Variants in PARD3B observed in about 807,000 individuals in gnomAD.
The protein encoded by PARD3B is partitioning defective 3 homolog B.
Under a neutral mutation model 130.2 loss-of-function variants are expected in PARD3B, and 103 were observed. The observed-to-expected ratio is 0.79, with a 90% CI of 0.67 to 0.93. The LOEUF (loss-of-function observed/expected upper bound fraction) is 0.93. Ranked by LOEUF, PARD3B falls within the 40% of genes least tolerant of loss-of-function variation. The pLI, the probability that PARD3B is intolerant of heterozygous loss-of-function variation, is 0.00. For missense variants in PARD3B, 1,609 were observed against 1,499.2 expected, an observed-to-expected ratio of 1.07 and a Z score of -1.21; for synonymous variants, 583 against 553.2, an observed-to-expected ratio of 1.05 and a Z score of -0.76.
At chr2:205,219,933 G>A (rs556690927) in intron 15 of PARD3B, among the ~76,000 whole-genome samples, 29 of 152,270 alleles carry the variant, frequency 1.9e-4, no homozygotes, top group South Asian at 1.2e-3. Context: ...TACTTGTCAC[G>A]TTTGTAGGAG....
chr2:205,357,892 C>G (rs1267225947), intron 18 of PARD3B, among the ~76,000 whole-genome samples: 1 of 152,178 alleles, frequency 6.6e-6, no homozygotes, highest in East Asian at 1.9e-4. Flanking sequence ...TGAAAAAGCA[C>G]ACAGTCATTG....
At chr2:204,548,859 C>T (rs566480092) in intron 1 of PARD3B, among the ~76,000 whole-genome samples, 7 of 152,008 alleles carry the variant, frequency 4.6e-5, no homozygotes, top group Non-Finnish European at 1.0e-4. Flanking sequence ...ATCCAGGTGG[C>T]GAGTGCTATA....
At chr2:205,524,590 C>G (rs1047175104) in intron 21 of PARD3B, among the ~76,000 whole-genome samples, 15 of 152,260 alleles carry the variant, frequency 9.9e-5, no homozygotes, top group African/African-American at 3.1e-4. Context: ...CATACTATTG[C>G]CCATCTAATT....
chr2:205,227,430 G>A (rs11903634), intron 15 of PARD3B, among the ~76,000 whole-genome samples: 29,651 of 151,928 alleles, frequency 0.2, 3,101 homozygotes, highest in East Asian at 0.31. Flanking sequence ...TCATTATATA[G>A]TGACCTTCTT....
At chr2:205,252,853 C>CCCAA (rs2039916027) in intron 16 of PARD3B, among the ~76,000 whole-genome samples, 2 of 80,458 alleles carry the variant, frequency 2.5e-5, no homozygotes, top group South Asian at 5.2e-4. Context: ...CCCCCCCCAC[C>CCCAA]AAAAAAAAAA....
chr2:205,235,018 G>A (rs116722929), intron 15 of PARD3B, among the ~76,000 whole-genome samples: 2 of 152,142 alleles, frequency 1.3e-5, no homozygotes, highest in African/African-American at 2.4e-5. Flanking sequence ...CTATAAAAAT[G>A]TGTGGGATAA....
intron 3 of PARD3B, among the ~76,000 whole-genome samples, chr2:204,990,824 T>C (rs1351384881): frequency 6.6e-6 from 1 of 152,222 alleles, no homozygotes; most frequent in Non-Finnish European, 1.5e-5. Context: ...TTCTACTTTA[T>C]ATAAAAGTTT....
At position 205,407,432 on chromosome 2, in the gene PARD3B, A is replaced by G. The variant is rs1007937344; in HGVS notation, c.2741+6309A>G. 1.3e-5 allele frequency among the ~76,000 whole-genome samples: 2 copies of G among 152,210 alleles called. No homozygotes were observed. Among genetic ancestry groups the G allele is most frequent in the African/African-American group, 4.8e-5 (2 of 41,446 alleles). On this transcript the variant is annotated intron_variant, in intron 19 of 22. Transcript: ENST00000406610. The surrounding 1 kb of genome is among the most constrained non-coding windows in gnomAD (Gnocchi z 4.1). Reference sequence around the variant, plus strand: ...TCCAACATTTTTCAAACTAAATTAAATTAGCATTTTTCACACATTCAGATT... The same window carrying G: ...TCCAACATTTTTCAAACTAAATTAAGTTAGCATTTTTCACACATTCAGATT...
At chr2:204,953,448 GA>G (rs1233320084) in intron 2 of PARD3B, among the ~76,000 whole-genome samples, 2 of 151,382 alleles carry the variant, frequency 1.3e-5, no homozygotes, top group Non-Finnish European at 2.9e-5. Context: ...GAGAGAGAGA[GA>G]GAGAGAGAGA....
At chr2:205,445,560 T>C (rs2047878710) in intron 20 of PARD3B, among the ~76,000 whole-genome samples, 1 of 152,026 alleles carries the variant, frequency 6.6e-6, no homozygotes, top group South Asian at 2.1e-4. Context: ...TCACGAGAAC[T>C]CACTCACCAT....
intron 22 of PARD3B, among the ~76,000 whole-genome samples, chr2:205,603,937 A>G (rs1395144423): frequency 6.6e-6 from 1 of 152,156 alleles, no homozygotes; most frequent in East Asian, 1.9e-4. Flanking sequence ...GTTGCTTCAC[A>G]GTGTCATTGG....
At chr2:205,249,190 T>G (rs1330919088) in intron 16 of PARD3B, among the ~76,000 whole-genome samples, 1 of 143,520 alleles carries the variant, frequency 7.0e-6, no homozygotes, top group Non-Finnish European at 1.5e-5. Flanking sequence ...TTTTTTTTTT[T>G]GTATTTTTTT....
chr2:205,227,955 TA>T (rs2038647253), intron 15 of PARD3B, among the ~76,000 whole-genome samples: 2 of 152,168 alleles, frequency 1.3e-5, no homozygotes, highest in Admixed American at 1.3e-4. Context: ...AACAAACTAA[TA>T]AACAGGCAAA....
Position 204,673,148 on chromosome 2 carries a change from T to A in PARD3B, c.121-13033T>A, listed in dbSNP as rs115236159. Among the ~76,000 whole-genome samples the A allele has an allele frequency of 2.5e-4, 38 of 152,302 alleles. No individual in the cohort carries two copies. The highest frequency in any genetic ancestry group is 4.3e-4 in the Non-Finnish European group (29 of 68,016). On this transcript the variant is annotated intron_variant, in intron 1 of 22. Transcript: ENST00000406610. This position sits in a 1 kb window ranked among gnomAD's most constrained non-coding sequence, Gnocchi z 4.7. Reference sequence around the variant, plus strand: ...TTTCCACGAAGCATTTTGGGGAGTATGCTGAATTATCCTATTTATGTGGCA... The same window carrying A: ...TTTCCACGAAGCATTTTGGGGAGTAAGCTGAATTATCCTATTTATGTGGCA...
At chr2:205,260,173 A>C (rs2040247963) in intron 16 of PARD3B, among the ~76,000 whole-genome samples, 1 of 152,144 alleles carries the variant, frequency 6.6e-6, no homozygotes, top group African/African-American at 2.4e-5. Flanking sequence ...TAGGAATACC[A>C]TTAATACAGT....
At chr2:205,034,624 A>G (rs1296065522) in intron 3 of PARD3B, among the ~76,000 whole-genome samples, 2 of 152,172 alleles carry the variant, frequency 1.3e-5, no homozygotes, top group African/African-American at 2.4e-5. Flanking sequence ...ACATTTTGCA[A>G]TGCTCTAACT....
chr2:204,912,595 T>A (rs551206597), intron 2 of PARD3B, among the ~76,000 whole-genome samples: 1 of 152,326 alleles, frequency 6.6e-6, no homozygotes, highest in African/African-American at 2.4e-5. Flanking sequence ...TAAAGAAATA[T>A]GCTCATTAAG....
intron 2 of PARD3B, among the ~76,000 whole-genome samples, chr2:204,808,057 C>T (rs1044497421): frequency 6.6e-6 from 1 of 151,852 alleles, no homozygotes; most frequent in Non-Finnish European, 1.5e-5. Flanking sequence ...ATGCCTGTAT[C>T]AAAGTAGCTC....
At chr2:205,180,760 G>A (rs1482186056) in intron 13 of PARD3B, among the ~76,000 whole-genome samples, 3 of 152,044 alleles carry the variant, frequency 2.0e-5, no homozygotes, top group Non-Finnish European at 4.4e-5. Flanking sequence ...TAGAACTAAT[G>A]TTTATAGAAA....
Sources: gnomAD v4.1 joint callset for allele counts (sites outside exome capture counted in the v4.1 genomes callset) on GRCh38, gnomAD v4.1.1 for gene constraint, Gnocchi (gnomAD v3.1) non-coding constraint, MANE v1.5 for transcripts, NCBI Gene and HGNC (gene_info 2026-07-23, HGNC 2026-07-21) for gene names.